SHANK2: variants seen among roughly 807,000 people sequenced by gnomAD.
SHANK2 encodes SH3 and multiple ankyrin repeat domains protein 2.
A neutral mutation model predicts 133.7 loss-of-function variants in SHANK2; 43 were observed. That is an observed-to-expected ratio of 0.32 (90% CI 0.25 to 0.41). The LOEUF is 0.41. SHANK2 is among the 10% of genes least tolerant of loss of function. The pLI, the probability that SHANK2 is intolerant of heterozygous loss-of-function variation, is 1.00. For missense variants in SHANK2, 1,994 were observed against 2,235.8 expected (o/e 0.89, Z 2.18); for synonymous variants, 1,017 against 952.8 (o/e 1.07, Z -1.24).
chr11:71,144,744 C>A (rs1952614433), intron 3 of SHANK2, among the ~76,000 whole-genome samples: 1 of 152,176 alleles, frequency 6.6e-6, no homozygotes, highest in Non-Finnish European at 1.5e-5. Context: ...ACAGATTTAG[C>A]TGGAAAAAGT....
At chr11:70,663,831 G>C (rs1944629252) in intron 15 of SHANK2, among the ~76,000 whole-genome samples, 1 of 152,206 alleles carries the variant, frequency 6.6e-6, no homozygotes, top group Non-Finnish European at 1.5e-5. Context: ...AGAGGTCCAG[G>C]ACCCTGGGAG....
Position 70,541,677 on chromosome 11 carries a change from A to G in SHANK2, c.2062-38746T>C, listed in dbSNP as rs138863051. Among the ~76,000 whole-genome samples, 211 of 152,362 alleles carry G rather than the reference A, an allele frequency of 1.4e-3. 2 individuals carry two copies. Among genetic ancestry groups the G allele is most frequent in the African/African-American group, 4.6e-3 (193 of 41,588 alleles). ...TCAAGCGGGGGAAACGGTGCCCCCC[A>G]CAAAACACATTCAGCCATGTTGGGA... On this transcript the variant is annotated intron_variant, in intron 17 of 25. Transcript: ENST00000601538.
intron 10 of SHANK2, among the ~76,000 whole-genome samples, chr11:70,908,610 G>A (rs564690770): frequency 1.8e-4 from 28 of 152,218 alleles, no homozygotes; most frequent in Admixed American, 1.8e-3. Flanking sequence ...CAGAAGCTCC[G>A]AAGGCTGCAC....
chr11:70,940,669 C>A (rs928495809), intron 10 of SHANK2, among the ~76,000 whole-genome samples: 1 of 152,116 alleles, frequency 6.6e-6, no homozygotes, highest in African/African-American at 2.4e-5. Flanking sequence ...ATTATAACTG[C>A]CATAAACCAT....
Position 70,791,830 on chromosome 11 carries a change from G to A in SHANK2, c.1777+6613C>T, listed in dbSNP as rs551302196. Among the ~76,000 whole-genome samples the A allele has an allele frequency of 3.9e-4, 60 of 152,270 alleles. No individual in the cohort carries two copies. In the Middle Eastern group the frequency reaches 0.017, roughly 43 times the overall value. On this transcript the variant is annotated intron_variant, in intron 14 of 25. Transcript: ENST00000601538. ...CAGTAACTCCCTATCTGTGTGCTCC[G>A]ACATGCTGAGATGGGGATGCTCATG... is the stretch of plus-strand genomic sequence containing the variant.
chr11:70,598,553 A>G (rs782128524), intron 17 of SHANK2, among the ~76,000 whole-genome samples: 2 of 151,582 alleles, frequency 1.3e-5, no homozygotes, highest in African/African-American at 2.4e-5. Flanking sequence ...AAGAGAGAAC[A>G]CTCCCCAGCT....
At chr11:70,597,090 G>A (rs2060412125) in intron 17 of SHANK2, among the ~76,000 whole-genome samples, 1 of 152,044 alleles carries the variant, frequency 6.6e-6, no homozygotes, top group Non-Finnish European at 1.5e-5. Flanking sequence ...CCGGTGCTCA[G>A]GGGGTGACTG....
At chr11:70,515,826 A>T (rs1306555702) in intron 17 of SHANK2, among the ~76,000 whole-genome samples, 2 of 152,042 alleles carry the variant, frequency 1.3e-5, no homozygotes, top group Non-Finnish European at 2.9e-5. Flanking sequence ...AATTTTTTTT[A>T]TACCTGCTAT....
intron 10 of SHANK2, among the ~76,000 whole-genome samples, chr11:70,932,269 G>C (rs1950513999): frequency 6.6e-6 from 1 of 152,214 alleles, no homozygotes; most frequent in Non-Finnish European, 1.5e-5. Context: ...ACAGCCACGG[G>C]AAATATTAAT....
At chr11:70,607,428 G>A (rs55748321) in intron 17 of SHANK2, among the ~76,000 whole-genome samples, 891 of 152,252 alleles carry the variant, frequency 5.9e-3, no homozygotes, top group Middle Eastern at 0.02. Flanking sequence ...AGGTCTTCCC[G>A]GAAGTCAGAG....
At chr11:71,228,324 T>A (rs1229390832) in intron 1 of SHANK2, among the ~76,000 whole-genome samples, 1 of 152,236 alleles carries the variant, frequency 6.6e-6, no homozygotes, top group South Asian at 2.1e-4. Context: ...CACTGGAGAA[T>A]TCTATGAAAT....
At chr11:70,482,591 G>A (rs2058749723) in intron 25 of SHANK2, among the ~76,000 whole-genome samples, 1 of 152,184 alleles carries the variant, frequency 6.6e-6, no homozygotes, top group South Asian at 2.1e-4. Flanking sequence ...TGTTCACACA[G>A]TGGGAAAAAT....
chr11:70,907,324 C>CCCATGGCTGAG (rs1555078133), intron 10 of SHANK2, among the ~76,000 whole-genome samples: 1 of 152,216 alleles, frequency 6.6e-6, no homozygotes, highest in African/African-American at 2.4e-5. Flanking sequence ...CAGCACCCCT[C>CCCATGGCTGAG]CCATGGCTGA....
chr11:71,153,491 C>T (rs1296242384), intron 2 of SHANK2, among the ~76,000 whole-genome samples: 61 of 152,286 alleles, frequency 4.0e-4, no homozygotes, highest in African/African-American at 1.4e-3. Flanking sequence ...CTGGCTCATT[C>T]GTCCTCCAGT....
chr11:70,766,244 G>A (rs1190313146), intron 14 of SHANK2, among the ~76,000 whole-genome samples: 1 of 152,258 alleles, frequency 6.6e-6, no homozygotes, highest in Admixed American at 6.5e-5. Context: ...CAGCAAGAAA[G>A]GCAGAGGCCA....
chr11:71,187,600 G>A (rs1555114677), intron 2 of SHANK2, among the ~76,000 whole-genome samples: 1 of 152,080 alleles, frequency 6.6e-6, no homozygotes, highest in African/African-American at 2.4e-5. Flanking sequence ...CAGTTCAAGG[G>A]TTTCTCATGT....
intron 14 of SHANK2, among the ~76,000 whole-genome samples, chr11:70,747,389 A>G (rs147261038): frequency 3.3e-5 from 5 of 152,250 alleles, no homozygotes; most frequent in East Asian, 1.9e-4. Context: ...CTGCTGGTGG[A>G]AAAGTCTTTT....
At chr11:70,900,645 C>T (rs1371076055) in intron 10 of SHANK2, among the ~76,000 whole-genome samples, 5 of 152,200 alleles carry the variant, frequency 3.3e-5, no homozygotes, top group African/African-American at 1.2e-4. Flanking sequence ...GGACTCAACT[C>T]ACAGTGCAAA....
At chr11:70,501,459 T>C (rs143288143) in intron 20 of SHANK2, among the ~76,000 whole-genome samples, 7 of 152,338 alleles carry the variant, frequency 4.6e-5, no homozygotes, top group African/African-American at 1.7e-4. Flanking sequence ...TCTGCGCCCA[T>C]GTAAGCTGCC....
Sources: gnomAD v4.1 joint callset for allele counts (sites outside exome capture counted in the v4.1 genomes callset) on GRCh38, gnomAD v4.1.1 for gene constraint, MANE v1.5 for transcripts, NCBI Gene and HGNC (gene_info 2026-07-23, HGNC 2026-07-21) for gene names.